Variants in SLFN5 observed in about 807,000 individuals in gnomAD.
The protein encoded by SLFN5 is schlafen family member 5.
In SLFN5, 34 loss-of-function variants were observed where a neutral mutation model predicts 48.5. The observed-to-expected ratio is 0.70, with a 90% CI of 0.53 to 0.93. The LOEUF (loss-of-function observed/expected upper bound fraction) is 0.93. Ranked by LOEUF, SLFN5 falls within the 40% of genes least tolerant of loss-of-function variation. SLFN5 has a pLI of 0.00. For synonymous variants in SLFN5, 387 were observed against 396.2 expected (o/e 0.98, Z 0.28); for missense variants, 1,006 against 1,071.3 (o/e 0.94, Z 0.85).
rs1171607344 is a variant in SLFN5, at chr17:35,273,356, T to C, written c.*7468T>C. On this transcript the variant is annotated 3_prime_UTR_variant, in exon 5 of 5. Coordinates refer to ENST00000299977, the MANE Select transcript of SLFN5 (RefSeq NM_144975.4). ...GTGAAAAAAAGATAGCTTTTGCTTT[T>C]TATGACTTTTGGATTCTGTACCACG... 2 of 152,238 alleles carry C rather than the reference T, an allele frequency of 1.3e-5. No homozygotes were observed. The highest frequency in any genetic ancestry group is 4.8e-5 in the African/African-American group (2 of 41,472). The allele number at this position is 152,238 out of a possible 1,614,324, so 9.4% of individuals were successfully genotyped here. A position where few individuals can be genotyped will look rare whatever the true frequency, so the allele number is the denominator to read the frequency against.
In SLFN5 at chr17:35,264,853, G is replaced by A. The variant is rs562762299; in HGVS notation, c.1809G>A (p.Pro603=). ...TCAGGAATGTGTTTCACTGTGAACCGGCTAACATTCTCTACATCTGTGAAA... is the reference window on the plus strand; with the variant it reads ...TCAGGAATGTGTTTCACTGTGAACCAGCTAACATTCTCTACATCTGTGAAA... ...EKIRNVFHCE[P]ANILYICENQ... The change falls in exon 4 of 5, where the codon CCG becomes CCA. Residue 603 remains proline, a synonymous_variant. Transcript: ENST00000299977. 529 of 1,590,600 alleles carry A rather than the reference G, an allele frequency of 3.3e-4. 5 individuals are homozygous for A. In the South Asian group the frequency reaches 5.0e-3, roughly 15 times the overall value.
chr17:35,245,064 C>G (rs764227047), intron 1 of SLFN5, among the ~76,000 whole-genome samples: 11 of 152,184 alleles, frequency 7.2e-5, no homozygotes, highest in Non-Finnish European at 1.5e-4. Flanking sequence ...TAAGTTGATG[C>G]CTAAAACCAG....
Position 35,268,332 on chromosome 17 carries a change from A to G in SLFN5, c.*2444A>G, listed in dbSNP as rs993079323. ...GATAAGTGTTCTGATCATTAGGCGA[A>G]AGACAATGGGGAAAAATGTAGAAAA... is the stretch of plus-strand genomic sequence containing the variant. On this transcript the variant is annotated 3_prime_UTR_variant, in exon 5 of 5. Coordinates refer to ENST00000299977, the MANE Select transcript of SLFN5 (RefSeq NM_144975.4). The G allele has an allele frequency of 2.6e-5, 4 of 152,280 alleles. No homozygotes were observed. The highest frequency in any genetic ancestry group is 9.6e-5 in the African/African-American group (4 of 41,456). 9.4% of individuals were successfully genotyped at this position (152,280 alleles called of 1,614,324 possible).
intron 1 of SLFN5, 145 bp downstream of exon 1, chr17:35,243,288 C>A (rs890181942): frequency 6.6e-6 from 1 of 152,318 alleles, no homozygotes; most frequent in African/African-American, 2.4e-5. Flanking sequence ...AGAGTCTTTC[C>A]CGCTGGGGAG....
Position 35,264,297 on chromosome 17 carries a change from T to C in SLFN5, c.1253T>C (p.Ile418Thr), listed in dbSNP as rs1242225473. Residue 418 changes from isoleucine (I) to threonine (T), a missense_variant, in exon 4 of 5, where the codon ATA becomes ACA. By Grantham distance (89) the Ile-to-Thr change is moderately conservative. Transcript: ENST00000299977. ...NTEMRPFSQG[I>T]LIFSQSWAVD... ...GAAATGCGCCCTTTCTCTCAAGGAATATTGATTTTTTCTCAAAGCTGGGCT... is the reference window on the plus strand; with the variant it reads ...GAAATGCGCCCTTTCTCTCAAGGAACATTGATTTTTTCTCAAAGCTGGGCT... 2.5e-6 allele frequency: 4 copies of C among 1,613,986 alleles called. No individual in the cohort carries two copies. Among genetic ancestry groups the C allele is most frequent in the African/African-American group, 1.3e-5 (1 of 74,902 alleles).
chr17:35,259,878 C>A, intron 2 of SLFN5, 176 bp downstream of exon 2: 3 of 741,428 alleles, frequency 4.0e-6, no homozygotes, highest in Non-Finnish European at 6.4e-6. Context: ...TATTGCCCTT[C>A]CTTTCTTCTG....
intron 1 of SLFN5, among the ~76,000 whole-genome samples, chr17:35,254,815 G>GA (rs2092450770): frequency 6.6e-6 from 1 of 152,124 alleles, no homozygotes. Context: ...TCAGGAGTTC[G>GA]AGACCAGCCT....
At chr17:35,247,306 T>C (rs936132136) in intron 1 of SLFN5, among the ~76,000 whole-genome samples, 5 of 152,226 alleles carry the variant, frequency 3.3e-5, no homozygotes, top group African/African-American at 1.2e-4. Context: ...CCTGCCTGTC[T>C]ATGAGGCTTT....
In SLFN5 at chr17:35,271,106, A is replaced by T. The variant is rs1904819559; in HGVS notation, c.*5218A>T. ...AACTGCTGTGGAAAAACAACATCAA[A>T]CCTAGACTTCTCTCCCCAAACTATC... On this transcript the variant is annotated 3_prime_UTR_variant, in exon 5 of 5. Coordinates refer to ENST00000299977, the MANE Select transcript of SLFN5 (RefSeq NM_144975.4). 6.6e-6 allele frequency: 1 copy of T among 152,180 alleles called. No homozygotes were observed. Among genetic ancestry groups the T allele is most frequent in the South Asian group, 2.1e-4 (1 of 4,834 alleles). The allele number at this position is 152,180 out of a possible 1,614,324, so 9.4% of individuals were successfully genotyped here.
At position 35,272,525 on chromosome 17, in the gene SLFN5, G is replaced by A. The variant is rs969813529; in HGVS notation, c.*6637G>A. The A allele has an allele frequency of 6.6e-6, 1 of 152,022 alleles. No individual in the cohort carries two copies. Among genetic ancestry groups the A allele is most frequent in the Non-Finnish European group, 1.5e-5 (1 of 68,002 alleles). 9.4% of individuals were successfully genotyped at this position (152,022 alleles called of 1,614,324 possible). On this transcript the variant is annotated 3_prime_UTR_variant, in exon 5 of 5. Transcript: ENST00000299977. Reference sequence around the variant, plus strand: ...AAGTATGGCCCTCAATCAGAAACCAGGAAGGAAAATATTGACTATTTTAAA... The same window carrying A: ...AAGTATGGCCCTCAATCAGAAACCAAGAAGGAAAATATTGACTATTTTAAA...
At position 35,273,587 on chromosome 17, in the gene SLFN5, A is replaced by G. The variant is rs1346519060; in HGVS notation, c.*7699A>G. 2.0e-5 allele frequency: 3 copies of G among 152,178 alleles called. No individual in the cohort carries two copies. Among genetic ancestry groups the G allele is most frequent in the Admixed American group, 6.5e-5 (1 of 15,276 alleles). 9.4% of individuals were successfully genotyped at this position (152,178 alleles called of 1,614,324 possible). On this transcript the variant is annotated 3_prime_UTR_variant, in exon 5 of 5. Transcript: ENST00000299977. Reference sequence around the variant, plus strand: ...AAGTGTCTATATATACAAAAATGTAAGTGTTAACATTTTTATATTTGCTTC... The same window carrying G: ...AAGTGTCTATATATACAAAAATGTAGGTGTTAACATTTTTATATTTGCTTC...
chr17:35,273,488 C>T lies in SLFN5; in HGVS notation c.*7600C>T, dbSNP rs1444111893. ...ATCAATGAATATCCTGGGATAAACC[C>T]CTCATGATCATAATGAATAATGATG... is the stretch of plus-strand genomic sequence containing the variant. On this transcript the variant is annotated 3_prime_UTR_variant, in exon 5 of 5. Transcript: ENST00000299977. The T allele has an allele frequency of 1.3e-5, 2 of 151,864 alleles. No homozygotes were observed. The highest frequency in any genetic ancestry group is 3.8e-4 in the East Asian group (2 of 5,196). 9.4% of individuals were successfully genotyped at this position (151,864 alleles called of 1,614,324 possible). A position where few individuals can be genotyped will look rare whatever the true frequency, so the allele number is the denominator to read the frequency against.
intron 1 of SLFN5, among the ~76,000 whole-genome samples, chr17:35,253,182 C>T (rs570373240): frequency 6.6e-6 from 1 of 152,150 alleles, no homozygotes; most frequent in African/African-American, 2.4e-5. Flanking sequence ...GGACCTCTTT[C>T]ATAAGGGCAC....
Position 35,265,519 on chromosome 17 carries a change from A to G in SLFN5, c.2307A>G (p.Ile769Met), listed in dbSNP as rs1240892332. The G allele has an allele frequency of 1.2e-6, 2 of 1,614,140 alleles. No homozygotes were observed. The highest frequency in any genetic ancestry group is 1.7e-5 in the Admixed American group (1 of 60,010). Reference sequence around the variant, plus strand: ...TTGAAGACTTGAACTTGGAGGAGATACTGATCTATGTAGCGAATAAATGCC... The same window carrying G: ...TTGAAGACTTGAACTTGGAGGAGATGCTGATCTATGTAGCGAATAAATGCC... ...EIIEDLNLEE[I>M]LIYVANKCRF... is the part of the protein sequence containing the mutation. The change falls in exon 5 of 5, where the codon ATA (isoleucine) becomes ATG (methionine). Residue 769 changes from isoleucine to methionine, a missense_variant. Ile to Met is a conservative substitution (Grantham distance 10). Coordinates refer to ENST00000299977, the MANE Select transcript of SLFN5 (RefSeq NM_144975.4).
intron 2 of SLFN5, among the ~76,000 whole-genome samples, 196 bp from the exon 3 acceptor site, chr17:35,260,775 G>T (rs114257558): frequency 6.6e-6 from 1 of 152,134 alleles, no homozygotes; most frequent in Non-Finnish European, 1.5e-5. Flanking sequence ...AAATTAAAAA[G>T]TGTTGCTTTA....
rs769386412 is a variant in SLFN5 at position 35,264,395 on chromosome 17, A to G, written c.1351A>G (p.Ile451Val). 1 of 1,614,136 alleles carries G rather than the reference A, an allele frequency of 6.2e-7. No individual in the cohort carries two copies. The highest frequency in any genetic ancestry group is 8.5e-7 in the Non-Finnish European group (1 of 1,180,020). The change falls in exon 4 of 5, where the codon ATT becomes GTT. Residue 451 changes from isoleucine (I) to valine (V), a missense_variant. Ile to Val is a conservative substitution (Grantham distance 29). Transcript: ENST00000299977. The part of the protein sequence containing the change: ...ALLISQNNTP[I>V]LYTIFSKWDA... Reference sequence around the variant, plus strand: ...TCTAATTTCCCAGAACAACACCCCTATTCTCTACACCATCTTCAGCAAGTG... The same window carrying G: ...TCTAATTTCCCAGAACAACACCCCTGTTCTCTACACCATCTTCAGCAAGTG...
At chr17:35,253,690 G>GTTTTT (rs57606643) in intron 1 of SLFN5, among the ~76,000 whole-genome samples, 2 of 76,068 alleles carry the variant, frequency 2.6e-5, no homozygotes, top group Admixed American at 1.8e-4. Context: ...ATAGCTAACA[G>GTTTTT]TTTTTTTTTT....
intron 1 of SLFN5, among the ~76,000 whole-genome samples, chr17:35,243,593 C>G (rs1597641532): frequency 6.6e-6 from 1 of 152,182 alleles, no homozygotes; most frequent in East Asian, 1.9e-4. Flanking sequence ...CAGAGGCTTG[C>G]CTATAAGCCC....
chr17:35,259,750 G>C (rs1161504855), intron 2 of SLFN5, 48 bp downstream of exon 2: 3 of 1,580,582 alleles, frequency 1.9e-6, no homozygotes, highest in Non-Finnish European at 2.6e-6. Flanking sequence ...TGGCAGCAAG[G>C]CAGGGCGGGT....
Sources: allele counts gnomAD v4.1 joint callset (sites outside exome capture counted in the v4.1 genomes callset), GRCh38; gene constraint gnomAD v4.1.1; transcripts MANE v1.5; gene names NCBI Gene and HGNC (gene_info 2026-07-23, HGNC 2026-07-21).